The following TSHZ1 variants were observed in gnomAD, a reference collection of about 807,000 sequenced individuals.
The protein encoded by TSHZ1 is teashirt zinc finger homeobox 1.
In TSHZ1, 12 loss-of-function variants were observed where a neutral mutation model predicts 67.1. The ratio of observed to expected loss-of-function variants is 0.18; its 90% CI spans 0.11 to 0.29. The LOEUF (loss-of-function observed/expected upper bound fraction) is 0.29. Ranked by LOEUF, TSHZ1 falls within the 10% of genes least tolerant of loss-of-function variation. TSHZ1 has a pLI of 1.00. For missense variants in TSHZ1, 1,305 were observed against 1,413.9 expected (o/e 0.92, Z 1.23); for synonymous variants, 632 against 622.4 (o/e 1.02, Z -0.23).
chr18:75,217,133 T>G (rs2022779964), intron 1 of TSHZ1, among the ~76,000 whole-genome samples: 1 of 152,234 alleles, frequency 6.6e-6, no homozygotes, highest in South Asian at 2.1e-4. Flanking sequence ...GCCTAGACCT[T>G]ACTCCCTGTG....
intron 1 of TSHZ1, among the ~76,000 whole-genome samples, 172 bp downstream of exon 1, chr18:75,212,088 C>A (rs115542593): frequency 6.6e-6 from 1 of 152,086 alleles, no homozygotes; most frequent in African/African-American, 2.4e-5. Context: ...CGTCCTCCCC[C>A]ACACCCCCAA....
rs905384004 is a variant in TSHZ1 at position 75,287,293 on chromosome 18, C to T, written c.1886C>T (p.Pro629Leu). 2 of 1,614,022 alleles carry T rather than the reference C, an allele frequency of 1.2e-6. No homozygotes were observed. Among genetic ancestry groups the T allele is most frequent in the Non-Finnish European group, 1.7e-6 (2 of 1,180,006 alleles). ...CTGCACTCCCCAGGGAGCCTCACGC[C>T]CCCACCGCACAAGAGCAACGTGTCT... ...ALLHSPGSLT[P>L]PPHKSNVSAM... The change falls in exon 2 of 2, where the codon CCC (proline) becomes CTC (leucine). Residue 629 changes from proline (P) to leucine (L), a missense_variant. By Grantham distance (98) the Pro-to-Leu change is moderately conservative (BLOSUM62 -3). This residue lies in a region of TSHZ1 where 909 missense variants were observed against 961.8 expected (regional missense o/e 0.95). Coordinates refer to ENST00000580243, the MANE Select transcript of TSHZ1 (RefSeq NM_001308210.2). This position sits in a 1 kb window ranked among gnomAD's most constrained non-coding sequence, Gnocchi z 5.0.
At chr18:75,262,488 G>C (rs1193243509) in intron 1 of TSHZ1, among the ~76,000 whole-genome samples, 1 of 152,162 alleles carries the variant, frequency 6.6e-6, no homozygotes, top group Non-Finnish European at 1.5e-5. Flanking sequence ...TGGCTTACAG[G>C]CTTATGATAT....
intron 1 of TSHZ1, among the ~76,000 whole-genome samples, chr18:75,239,882 A>T (rs1228411783): frequency 6.6e-6 from 1 of 152,174 alleles, no homozygotes; most frequent in African/African-American, 2.4e-5. Context: ...GAATACGAGG[A>T]GGTACGCGAT....
chr18:75,271,408 T>G (rs1236928616), intron 1 of TSHZ1, among the ~76,000 whole-genome samples: 2 of 152,168 alleles, frequency 1.3e-5, no homozygotes, highest in African/African-American at 4.8e-5. Flanking sequence ...CTGGGAAACT[T>G]TATCTCTCGC....
chr18:75,276,009 A>G (rs187011181), intron 1 of TSHZ1, among the ~76,000 whole-genome samples: 24 of 152,274 alleles, frequency 1.6e-4, no homozygotes, highest in Admixed American at 5.2e-4. Context: ...TCTTTTACAT[A>G]CGGTTTAAGC....
intron 1 of TSHZ1, among the ~76,000 whole-genome samples, chr18:75,272,047 A>G (rs1300525246): frequency 6.6e-6 from 1 of 152,214 alleles, no homozygotes; most frequent in East Asian, 1.9e-4. Context: ...GAAACAGGTT[A>G]AATACTTCCA....
At chr18:75,213,271 T>C (rs964267962) in intron 1 of TSHZ1, among the ~76,000 whole-genome samples, 19 of 152,250 alleles carry the variant, frequency 1.2e-4, no homozygotes, top group African/African-American at 4.3e-4. Context: ...GATTACCTTA[T>C]GCTGAGTATT....
rs778854634 is a variant in TSHZ1, at chr18:75,285,993, G to C, written c.586G>C (p.Gly196Arg). Residue 196 changes from glycine to arginine, a missense_variant, in exon 2 of 2, where the codon GGG becomes CGG. Around this residue, in one of 3 missense-constraint regions of TSHZ1, gnomAD observed 358 missense variants for 375.6 expected, o/e 0.95. Transcript: ENST00000580243. Reference sequence around the variant, plus strand: ...TACCACCAGTACCAGCAGCAGCTCCGGGTACGACTGGCACCAGGCTGCACT... The same window carrying C: ...TACCACCAGTACCAGCAGCAGCTCCCGGTACGACTGGCACCAGGCTGCACT... The part of the protein sequence containing the change: ...SSTTSTSSSS[G>R]YDWHQAALAK... The C allele has an allele frequency of 6.2e-7, 1 of 1,603,480 alleles. No homozygotes were observed. The highest frequency in any genetic ancestry group is 1.1e-5 in the South Asian group (1 of 89,692).
intron 1 of TSHZ1, among the ~76,000 whole-genome samples, chr18:75,224,087 C>G (rs2022886029): frequency 6.9e-6 from 1 of 145,822 alleles, no homozygotes; most frequent in Non-Finnish European, 1.5e-5. Flanking sequence ...AAAAGATCCT[C>G]ACTTTTTTTT....
At chr18:75,252,744 T>G (rs2023319534) in intron 1 of TSHZ1, among the ~76,000 whole-genome samples, 1 of 152,194 alleles carries the variant, frequency 6.6e-6, no homozygotes, top group South Asian at 2.1e-4. Context: ...TGTATATATG[T>G]ATATATTTGC....
chr18:75,262,662 G>A (rs17183539), intron 1 of TSHZ1, among the ~76,000 whole-genome samples: 20,241 of 152,278 alleles, frequency 0.13, 1,736 homozygotes, highest in Non-Finnish European at 0.18. Flanking sequence ...TTCACTCTGG[G>A]ATGGCAGCAG....
intron 1 of TSHZ1, among the ~76,000 whole-genome samples, chr18:75,265,331 AT>A (rs1190675737): frequency 1.3e-4 from 20 of 152,106 alleles, no homozygotes; most frequent in Admixed American, 1.3e-3. Flanking sequence ...CTACTGTCAT[AT>A]TTGATTTGGG....
intron 1 of TSHZ1, among the ~76,000 whole-genome samples, chr18:75,282,016 G>A (rs559001951): frequency 2.0e-4 from 31 of 152,102 alleles, no homozygotes; most frequent in African/African-American, 6.0e-4. Flanking sequence ...TTCGACGTCC[G>A]CACTCCCTGG....
intron 1 of TSHZ1, among the ~76,000 whole-genome samples, chr18:75,268,300 C>T (rs181398931): frequency 6.6e-6 from 1 of 152,296 alleles, no homozygotes; most frequent in East Asian, 1.9e-4. Flanking sequence ...CCGTGCATTA[C>T]CATAATTGGC....
chr18:75,212,691 G>A (rs2022714979), intron 1 of TSHZ1, among the ~76,000 whole-genome samples: 2 of 152,206 alleles, frequency 1.3e-5, no homozygotes, highest in Middle Eastern at 3.4e-3. Flanking sequence ...CCACTATCAG[G>A]GCAACTTTTC....
At chr18:75,274,567 A>G (rs1365706968) in intron 1 of TSHZ1, among the ~76,000 whole-genome samples, 2 of 152,216 alleles carry the variant, frequency 1.3e-5, no homozygotes, top group Admixed American at 1.3e-4. Flanking sequence ...TGTACCCATA[A>G]GAACTAAAGA....
intron 1 of TSHZ1, among the ~76,000 whole-genome samples, chr18:75,259,596 T>G (rs1227930749): frequency 1.3e-5 from 2 of 152,200 alleles, no homozygotes; most frequent in Non-Finnish European, 2.9e-5. Context: ...TGTGATAGTT[T>G]GAGAAAGAGA....
chr18:75,227,065 C>T (rs1456260991), intron 1 of TSHZ1, among the ~76,000 whole-genome samples: 2 of 152,034 alleles, frequency 1.3e-5, no homozygotes, highest in Admixed American at 1.3e-4. Context: ...AAAGCATGAC[C>T]CAGGTGCCCC....
Sources: gnomAD v4.1 joint callset for allele counts (sites outside exome capture counted in the v4.1 genomes callset) on GRCh38, gnomAD v4.1.1 for gene constraint, gnomAD v4.1.1 regional missense constraint, Gnocchi (gnomAD v3.1) non-coding constraint, MANE v1.5 for transcripts, NCBI Gene and HGNC (gene_info 2026-07-23, HGNC 2026-07-21) for gene names.